Variants in PALLD observed in about 807,000 individuals in gnomAD.
PALLD encodes palladin, cytoskeletal associated protein.
Under a neutral mutation model 123.5 loss-of-function variants are expected in PALLD, and 61 were observed. The ratio of observed to expected loss-of-function variants is 0.49; its 90% CI spans 0.40 to 0.61. The LOEUF is 0.61. Ranked by LOEUF, PALLD falls within the 20% of genes least tolerant of loss-of-function variation. The pLI is 0.00. For missense variants in PALLD, 1,273 were observed against 1,377.0 expected, an observed-to-expected ratio of 0.92 and a Z score of 1.20; for synonymous variants, 465 against 496.4, an observed-to-expected ratio of 0.94 and a Z score of 0.84.
Position 168,711,631 on chromosome 4 carries a change from C to A in PALLD, c.1672C>A (p.His558Asn), listed in dbSNP as rs1784846323. The A allele has an allele frequency of 3.7e-6, 6 of 1,614,032 alleles. No homozygotes were observed. The highest frequency in any genetic ancestry group is 5.1e-6 in the Non-Finnish European group (6 of 1,179,974). ...GTCAATGGGAGAATCCAACAATGACCACTTCCAACACTTTCCACCTCCCCC... is the reference window on the plus strand; with the variant it reads ...GTCAATGGGAGAATCCAACAATGACAACTTCCAACACTTTCCACCTCCCCC... ...YESMGESNND[H>N]FQHFPPPPPI... Residue 558 changes from histidine to asparagine, a missense_variant, in exon 10 of 22, where the codon CAC becomes AAC. Coordinates refer to ENST00000505667, the MANE Select transcript of PALLD (RefSeq NM_001166108.2).
At chr4:168,731,452 A>C (rs555431238) in intron 10 of PALLD, among the ~76,000 whole-genome samples, 1 of 152,214 alleles carries the variant, frequency 6.6e-6, no homozygotes, top group Non-Finnish European at 1.5e-5. Flanking sequence ...CCTCTTCATT[A>C]AGAGGGAATC....
chr4:168,747,624 A>G (rs747622516), intron 10 of PALLD, among the ~76,000 whole-genome samples: 23 of 152,212 alleles, frequency 1.5e-4, no homozygotes, highest in Non-Finnish European at 3.1e-4. Flanking sequence ...AAGAGACCCA[A>G]GACTTCGTAA....
At chr4:168,919,545 A>C (rs1760993644) in intron 17 of PALLD, among the ~76,000 whole-genome samples, 1 of 151,474 alleles carries the variant, frequency 6.6e-6, no homozygotes. Context: ...AAAGTGAAAA[A>C]CCTTGCCACA....
chr4:168,925,837 C>T (rs1052391853), intron 21 of PALLD, among the ~76,000 whole-genome samples: 1 of 152,108 alleles, frequency 6.6e-6, no homozygotes, highest in African/African-American at 2.4e-5. Flanking sequence ...TTAAAGCATC[C>T]ACATCCAGCA....
intron 2 of PALLD, among the ~76,000 whole-genome samples, chr4:168,527,609 A>C (rs1035345520): frequency 6.6e-6 from 1 of 152,150 alleles, no homozygotes; most frequent in Admixed American, 6.5e-5. Flanking sequence ...AATTGTGTTA[A>C]GATTATTAAA....
At chr4:168,539,612 T>TAAAG (rs1279654347) in intron 2 of PALLD, among the ~76,000 whole-genome samples, 18 of 122,144 alleles carry the variant, frequency 1.5e-4, no homozygotes, top group African/African-American at 5.4e-4. Context: ...AATAAATAAA[T>TAAAG]AAAGATGCTT....
At chr4:168,501,776 T>G (rs182680052) in intron 1 of PALLD, among the ~76,000 whole-genome samples, 8 of 152,258 alleles carry the variant, frequency 5.3e-5, no homozygotes, top group Middle Eastern at 3.4e-3. Flanking sequence ...CTCTTGTGAC[T>G]TTCACCACCC....
chr4:168,497,946 C>T (rs1579958290), intron 1 of PALLD, among the ~76,000 whole-genome samples: 1 of 152,150 alleles, frequency 6.6e-6, no homozygotes, highest in East Asian at 1.9e-4. Context: ...GCTAAAAATA[C>T]TAATTGCCTT....
chr4:168,776,771 A>G (rs1044112943), intron 10 of PALLD, among the ~76,000 whole-genome samples: 1 of 152,188 alleles, frequency 6.6e-6, no homozygotes, highest in Admixed American at 6.5e-5. Flanking sequence ...TTCCAAAATT[A>G]TATCTGTTGA....
chr4:168,752,709 A>G (rs935260672), intron 10 of PALLD, among the ~76,000 whole-genome samples: 2 of 151,498 alleles, frequency 1.3e-5, no homozygotes, highest in African/African-American at 4.9e-5. Context: ...TATCATTGGC[A>G]TCTATATACT....
chr4:168,738,423 T>C (rs1030291369), intron 10 of PALLD, among the ~76,000 whole-genome samples: 1 of 152,028 alleles, frequency 6.6e-6, no homozygotes, highest in African/African-American at 2.4e-5. Flanking sequence ...TTCTATCTAC[T>C]TTTCATTTTT....
intron 10 of PALLD, among the ~76,000 whole-genome samples, chr4:168,733,519 A>G (rs888940072): frequency 6.4e-5 from 9 of 141,634 alleles, no homozygotes; most frequent in Non-Finnish European, 1.2e-4. Flanking sequence ...ATTGTAAAAT[A>G]TTAGTGTGCT....
chr4:168,697,323 C>G (rs1452639932), intron 8 of PALLD, among the ~76,000 whole-genome samples: 2 of 152,290 alleles, frequency 1.3e-5, no homozygotes, highest in East Asian at 3.9e-4. Context: ...CCAGAAAGGA[C>G]AAGATGTAGA....
intron 10 of PALLD, among the ~76,000 whole-genome samples, chr4:168,783,044 ATATGTGTGTGTGTGTG>A (rs1241224208): frequency 1.2e-4 from 10 of 82,182 alleles, no homozygotes; most frequent in Admixed American, 9.6e-4. Context: ...TTTTATATAT[ATATGTGTGTGTGTGTG>A]TGTGTGTGTG....
At chr4:168,644,271 A>G (rs1777228716) in intron 2 of PALLD, among the ~76,000 whole-genome samples, 1 of 151,690 alleles carries the variant, frequency 6.6e-6, no homozygotes, top group Admixed American at 6.6e-5. Context: ...TATTTTTAGT[A>G]GAGATGGGGT....
At chr4:168,562,707 G>A (rs944597515) in intron 2 of PALLD, among the ~76,000 whole-genome samples, 5 of 152,086 alleles carry the variant, frequency 3.3e-5, no homozygotes, top group African/African-American at 1.2e-4. Context: ...TGAAGAGAGG[G>A]AAGGAGGCCA....
Position 168,887,132 on chromosome 4 carries a change from A to AC in PALLD, c.1965-3790_1965-3789insC, listed in dbSNP as rs1753471229. Reference sequence around the variant, plus strand: ...ACTCTGTCTCAAAAAAAAAAAAAAAAGAAAAAGAAAAAGTAGAATAATCAG... The same window carrying AC: ...ACTCTGTCTCAAAAAAAAAAAAAAAACGAAAAAGAAAAAGTAGAATAATCAG... On this transcript the variant is annotated intron_variant, in intron 10 of 21. Coordinates refer to ENST00000505667, the MANE Select transcript of PALLD (RefSeq NM_001166108.2). 1.7e-5 allele frequency among the ~76,000 whole-genome samples: 2 copies of AC among 118,250 alleles called. 1 individual carries two copies. Among genetic ancestry groups the AC allele is most frequent in the Non-Finnish European group, 3.8e-5 (2 of 52,306 alleles). The allele number at this position is 118,250 out of a possible 152,430, so 77.6% of individuals were successfully genotyped here. A position where few individuals can be genotyped will look rare whatever the true frequency, so the allele number is the denominator to read the frequency against.
chr4:168,843,977 A>T (rs1379800784), intron 10 of PALLD: 1 of 152,228 alleles, frequency 6.6e-6, no homozygotes, highest in Admixed American at 6.5e-5. Flanking sequence ...TAAGAACTTT[A>T]GTGAAAGTGA....
At chr4:168,505,889 A>T (rs955617053) in intron 1 of PALLD, among the ~76,000 whole-genome samples, 3 of 152,206 alleles carry the variant, frequency 2.0e-5, no homozygotes, top group African/African-American at 7.2e-5. Context: ...AAGTGCAGGT[A>T]AATATTTTAG....
Sources: allele counts gnomAD v4.1 joint callset (sites outside exome capture counted in the v4.1 genomes callset), GRCh38; gene constraint gnomAD v4.1.1; transcripts MANE v1.5; gene names NCBI Gene and HGNC (gene_info 2026-07-23, HGNC 2026-07-21).